Variants in DRC11L observed in about 807,000 individuals in gnomAD.
DRC11L encodes the protein dynein regulatory complex subunit 11 like.
At chr7:151,193,590 G>T in the DRC11L span, 3 of 398,686 alleles carry the variant, frequency 7.5e-6, no homozygotes, top group Non-Finnish European at 8.8e-6. Flanking sequence ...CTAGGGCTGG[G>T]GGAGGAGGTG....
At chr7:151,198,778 G>A in the DRC11L span, 10 of 398,948 alleles carry the variant, frequency 2.5e-5, no homozygotes, top group East Asian at 1.4e-4. Flanking sequence ...TGGAGGGTAG[G>A]GTCAGCTGAG....
At chr7:151,192,779 C>T in the DRC11L span, 1 of 399,126 alleles carries the variant, frequency 2.5e-6, no homozygotes, top group Non-Finnish European at 4.4e-6. Flanking sequence ...TATAGAAATT[C>T]TTCTCAGCAT....
At chr7:151,195,227 CT>C in the DRC11L span, among the ~76,000 whole-genome samples, 7 of 152,272 alleles carry the variant, frequency 4.6e-5, no homozygotes, top group South Asian at 1.5e-3. Flanking sequence ...AGAGCCCTTT[CT>C]TGTGCCTTTG....
At chr7:151,196,648 T>C in the DRC11L span, 1 of 399,054 alleles carries the variant, frequency 2.5e-6, no homozygotes, top group Non-Finnish European at 4.4e-6. Flanking sequence ...CACACATACG[T>C]GCACACAGAC....
chr7:151,202,885 C>T, the DRC11L span: 1 of 399,722 alleles, frequency 2.5e-6, no homozygotes, highest in Non-Finnish European at 4.4e-6. Context: ...TCTACCCTGA[C>T]CCTCCTCCTG....
At chr7:151,194,511 C>T in the DRC11L span, 1 of 399,156 alleles carries the variant, frequency 2.5e-6, no homozygotes, top group East Asian at 3.6e-5. Flanking sequence ...TGGGAGGGGT[C>T]TCACCTATGT....
chr7:151,193,557 C>T, the DRC11L span: 1 of 399,288 alleles, frequency 2.5e-6, no homozygotes, highest in East Asian at 3.6e-5. Context: ...CTGGAGATGA[C>T]TGCGTAAGGT....
At chr7:151,191,909 G>T in the DRC11L span, 1 of 399,336 alleles carries the variant, frequency 2.5e-6, no homozygotes, top group South Asian at 1.3e-4. Flanking sequence ...GGGCCTGGAG[G>T]GGCAGTGGGC....
At chr7:151,199,719 G>T in the DRC11L span, among the ~76,000 whole-genome samples, 1 of 152,218 alleles carries the variant, frequency 6.6e-6, no homozygotes, top group Non-Finnish European at 1.5e-5. The surrounding 1 kb of genome is among the most constrained non-coding windows in gnomAD (Gnocchi z 5.2). Context: ...CCCCAGCCCA[G>T]CCCCCTCCTC....
chr7:151,192,101 C>T, the DRC11L span, among the ~76,000 whole-genome samples: 1 of 152,192 alleles, frequency 6.6e-6, no homozygotes, highest in African/African-American at 2.4e-5. Flanking sequence ...GGACATAGAC[C>T]ACCTGCTCGC....
the DRC11L span, among the ~76,000 whole-genome samples, chr7:151,202,345 CT>C: frequency 6.6e-6 from 1 of 152,160 alleles, no homozygotes; most frequent in South Asian, 2.1e-4. Flanking sequence ...ATTTTAGTGG[CT>C]CATTTTCAAC....
the DRC11L span, among the ~76,000 whole-genome samples, chr7:151,191,250 G>A: frequency 3.3e-5 from 5 of 152,042 alleles, no homozygotes; most frequent in African/African-American, 7.2e-5. Flanking sequence ...AATGCTTCAG[G>A]TACAATGTCA....
At chr7:151,192,775 A>G in the DRC11L span, 1 of 399,122 alleles carries the variant, frequency 2.5e-6, no homozygotes, top group Non-Finnish European at 4.4e-6. Flanking sequence ...TTCTTATAGA[A>G]ATTCTTCTCA....
the DRC11L span, chr7:151,195,461 T>C: frequency 7.5e-6 from 3 of 399,254 alleles, no homozygotes; most frequent in Non-Finnish European, 1.3e-5. Flanking sequence ...TCCTTCTTTT[T>C]CCCAGTTTTC....
the DRC11L span, chr7:151,204,598 C>T: frequency 1.5e-5 from 6 of 398,956 alleles, no homozygotes; most frequent in Non-Finnish European, 2.7e-5. Context: ...AGCTCCAGCA[C>T]GCGGCCCGCC....
chr7:151,195,621 C>T, the DRC11L span: 20 of 399,652 alleles, frequency 5.0e-5, no homozygotes, highest in South Asian at 1.3e-4. Context: ...CACAGCCAGA[C>T]GGAGCTTCCT....
At chr7:151,197,391 G>A in the DRC11L span, 2 of 398,816 alleles carry the variant, frequency 5.0e-6, no homozygotes, top group African/African-American at 2.1e-5. Context: ...GAGAGCCCTG[G>A]GTTTTACAGA....
At chr7:151,192,339 C>T in the DRC11L span, 1 of 399,178 alleles carries the variant, frequency 2.5e-6, no homozygotes, top group African/African-American at 2.1e-5. Context: ...CGGCACAGAC[C>T]CCGCATCTCG....
chr7:151,194,884 CT>C, the DRC11L span, among the ~76,000 whole-genome samples: 1 of 152,254 alleles, frequency 6.6e-6, no homozygotes, highest in Admixed American at 6.5e-5. Flanking sequence ...AGTCTGCCCC[CT>C]GACCAAAGGT....
Sources: gnomAD v4.1 joint callset for allele counts (sites outside exome capture counted in the v4.1 genomes callset) on GRCh38, gnomAD v4.1.1 for gene constraint, Gnocchi (gnomAD v3.1) non-coding constraint, MANE v1.5 for transcripts, NCBI Gene and HGNC (gene_info 2026-07-23, HGNC 2026-07-21) for gene names.